The following ENPEP variants were observed in gnomAD, a reference collection of about 807,000 sequenced individuals.
The protein encoded by ENPEP is AP-A.
In ENPEP, 103 loss-of-function variants were observed where a neutral mutation model predicts 114.5. The observed-to-expected ratio is 0.90, with a 90% CI of 0.77 to 1.06. The LOEUF (loss-of-function observed/expected upper bound fraction) is 1.06, where lower values mean the gene tolerates loss of function less well. ENPEP is among the 50% of genes least tolerant of loss of function. The pLI is 0.00. For synonymous variants in ENPEP, 420 were observed against 422.0 expected (o/e 1.00, Z 0.06); for missense variants, 1,196 against 1,161.3 (o/e 1.03, Z -0.43).
At chr4:110,557,273 G>A (rs1560572230) in intron 18 of ENPEP, among the ~76,000 whole-genome samples, 1 of 152,304 alleles carries the variant, frequency 6.6e-6, no homozygotes, top group South Asian at 2.1e-4. Context: ...TGATCACAAA[G>A]TATCTTAGGA....
chr4:110,506,396 C>A, intron 3 of ENPEP: 1 of 393,522 alleles, frequency 2.5e-6, no homozygotes, highest in Non-Finnish European at 4.5e-6. Context: ...TATTTCTAGT[C>A]ATTAAAATCA....
At chr4:110,499,086 AT>A (rs1214545127) in intron 3 of ENPEP, among the ~76,000 whole-genome samples, 1 of 152,036 alleles carries the variant, frequency 6.6e-6, no homozygotes, top group East Asian at 1.9e-4. Context: ...CATAACATTT[AT>A]TTTTTTCCCC....
chr4:110,484,535 A>C (rs1320093252), intron 1 of ENPEP, among the ~76,000 whole-genome samples: 1 of 151,946 alleles, frequency 6.6e-6, no homozygotes, highest in East Asian at 1.9e-4. Flanking sequence ...ATTTGCTGAG[A>C]GGACCACTGA....
chr4:110,518,918 C>T (rs3775958), intron 8 of ENPEP: 62,405 of 364,434 alleles, frequency 0.17, 6,599 homozygotes, highest in African/African-American at 0.33. Flanking sequence ...ATGGTTATAA[C>T]TATTACTATG....
rs554409719 is a variant in ENPEP, at chr4:110,515,634, T to G, written c.1509+192T>G. On this transcript the variant is annotated intron_variant, in intron 8 of 19. Transcript: ENST00000265162. The stretch of plus-strand genomic sequence containing the variant: ...CCTACATTGTATCTGTAATGATCAT[T>G]TAGCAGAAGTCTCATGGAGAAGTTG... 4 of 623,602 alleles carry G rather than the reference T, an allele frequency of 6.4e-6. No homozygotes were observed. The South Asian group carries it at 7.0e-5, about 11-fold the overall frequency. 38.6% of individuals were successfully genotyped at this position (623,602 alleles called of 1,614,324 possible).
chr4:110,531,076 T>C (rs1726388927), intron 10 of ENPEP, 122 bp from the exon 11 acceptor site: 2 of 502,146 alleles, frequency 4.0e-6, no homozygotes, highest in Non-Finnish European at 6.4e-6. Context: ...AATTGTGTAG[T>C]ATGGACTAGA....
chr4:110,497,162 T>C (rs1390896773), intron 3 of ENPEP, among the ~76,000 whole-genome samples: 1 of 152,234 alleles, frequency 6.6e-6, no homozygotes, highest in Non-Finnish European at 1.5e-5. Context: ...ACTGTTATTG[T>C]GGTGTTCTAA....
At chr4:110,506,329 A>G (rs952372637) in intron 3 of ENPEP, 32 of 234,700 alleles carry the variant, frequency 1.4e-4, no homozygotes, top group Non-Finnish European at 2.2e-4. Context: ...TAAGTAGAAA[A>G]AATTAATAAC....
intron 3 of ENPEP, among the ~76,000 whole-genome samples, chr4:110,497,684 T>C (rs986787826): frequency 2.0e-5 from 3 of 152,196 alleles, no homozygotes; most frequent in African/African-American, 4.8e-5. Context: ...CGAACATGTT[T>C]TGAACCAGCA....
At chr4:110,556,121 G>T (rs1727459216) in intron 18 of ENPEP, among the ~76,000 whole-genome samples, 1 of 151,960 alleles carries the variant, frequency 6.6e-6, no homozygotes, top group South Asian at 2.1e-4. Flanking sequence ...GCAATTAGCA[G>T]ACTTTCTTTG....
At position 110,561,766 on chromosome 4, in the gene ENPEP, G is replaced by A. The variant is rs946372850; in HGVS notation, c.*208G>A. 4.5e-6 allele frequency: 2 copies of A among 439,938 alleles called. No homozygotes were observed. The highest frequency in any genetic ancestry group is 7.9e-6 in the Non-Finnish European group (2 of 251,926). The allele number at this position is 439,938 out of a possible 1,614,324, so 27.3% of individuals were successfully genotyped here. On this transcript the variant is annotated 3_prime_UTR_variant, in exon 20 of 20. Coordinates refer to ENST00000265162, the MANE Select transcript of ENPEP (RefSeq NM_001977.4). ...TAATAGAGTACTTAATATACTCAGG[G>A]ATTCCTTCTAAGTGTACTTCATAAG...
intron 10 of ENPEP, among the ~76,000 whole-genome samples, chr4:110,523,723 A>G (rs1342639572): frequency 6.6e-6 from 1 of 152,200 alleles, no homozygotes; most frequent in African/African-American, 2.4e-5. Context: ...AACAAGAAAA[A>G]TCAACTGACA....
chr4:110,499,722 C>T (rs1179396497), intron 3 of ENPEP, among the ~76,000 whole-genome samples: 2 of 152,108 alleles, frequency 1.3e-5, no homozygotes, highest in Middle Eastern at 3.2e-3. Context: ...CAGTTCAGGT[C>T]ATATGATATT....
intron 3 of ENPEP, among the ~76,000 whole-genome samples, chr4:110,501,452 A>C (rs918942127): frequency 5.9e-5 from 9 of 152,122 alleles, no homozygotes; most frequent in Admixed American, 2.0e-4. Flanking sequence ...ACTTTCAAGT[A>C]GGCCTTGATG....
intron 7 of ENPEP, among the ~76,000 whole-genome samples, chr4:110,514,278 T>C (rs3796888): frequency 0.55 from 83,335 of 151,688 alleles, 23,029 homozygotes; most frequent in East Asian, 0.68. Flanking sequence ...TTATCCTGAG[T>C]AATACCTAAA....
In ENPEP at chr4:110,515,258, A is replaced by G. The variant is rs896374626; in HGVS notation, c.1444-119A>G. The G allele has an allele frequency of 1.7e-5, 14 of 808,334 alleles. No homozygotes were observed. The African/African-American group carries it at 1.9e-4, about 11-fold the overall frequency. 50.1% of individuals were successfully genotyped at this position (808,334 alleles called of 1,614,324 possible). A position where few individuals can be genotyped will look rare whatever the true frequency, so the allele number is the denominator to read the frequency against. On this transcript the variant is annotated intron_variant, in intron 7 of 19. Transcript: ENST00000265162. ...TAGAGCCATATAATTTAGCAGAATCATCTTGAGGAACTAATCTCACAAATA... is the reference window on the plus strand; with the variant it reads ...TAGAGCCATATAATTTAGCAGAATCGTCTTGAGGAACTAATCTCACAAATA...
chr4:110,554,772 T>C (rs979005140), intron 18 of ENPEP, among the ~76,000 whole-genome samples: 2 of 152,032 alleles, frequency 1.3e-5, no homozygotes, highest in African/African-American at 4.8e-5. Flanking sequence ...TATCTCTTTT[T>C]CTGTGGTGTA....
chr4:110,551,020 G>A (rs962955322), intron 17 of ENPEP, among the ~76,000 whole-genome samples: 1 of 151,090 alleles, frequency 6.6e-6, no homozygotes, highest in Non-Finnish European at 1.5e-5. Context: ...TTGGGAGGCC[G>A]AGGCAGGAGG....
intron 1 of ENPEP, among the ~76,000 whole-genome samples, chr4:110,479,451 T>C (rs1724231114): frequency 6.6e-6 from 1 of 152,178 alleles, no homozygotes; most frequent in African/African-American, 2.4e-5. Context: ...GGGCCAAAAC[T>C]ACCTGTGTAT....
Sources: gnomAD v4.1 joint callset for allele counts (sites outside exome capture counted in the v4.1 genomes callset) on GRCh38, gnomAD v4.1.1 for gene constraint, MANE v1.5 for transcripts, NCBI Gene and HGNC (gene_info 2026-07-23, HGNC 2026-07-21) for gene names.